The following LVRN variants were observed in gnomAD, a reference collection of about 807,000 sequenced individuals.
LVRN encodes aminopeptidase Q.
A neutral mutation model predicts 111.4 loss-of-function variants in LVRN; 99 were observed. The ratio of observed to expected loss-of-function variants is 0.89; its 90% CI spans 0.76 to 1.05. LVRN has a LOEUF of 1.05. Among genes scored for constraint, LVRN ranks in the 50% least tolerant of loss-of-function variants. LVRN has a pLI of 0.00. For missense variants in LVRN, 1,414 were observed against 1,206.8 expected (o/e 1.17, Z -2.54); for synonymous variants, 488 against 449.5 (o/e 1.09, Z -1.08).
Position 115,999,704 on chromosome 5 carries a change from A to G in LVRN, c.1375-58A>G. ...TTTTGAAAGTATTTTAGGGCCATAG[A>G]ATTTTGGTCTTCTGTGACACCTCAG... On this transcript the variant is annotated intron_variant, in intron 6 of 19. Transcript: ENST00000357872. 3 of 1,561,532 alleles carry G rather than the reference A, an allele frequency of 1.9e-6. No individual in the cohort carries two copies. In the South Asian group the frequency reaches 3.5e-5, roughly 18 times the overall value.
intron 18 of LVRN, 120 bp downstream of exon 18, chr5:116,015,885 T>C: frequency 5.7e-6 from 7 of 1,234,110 alleles, no homozygotes. Flanking sequence ...GTCCTTTGCA[T>C]TGACTAGAAA....
At chr5:115,998,364 G>A (rs1214979915) in intron 6 of LVRN, among the ~76,000 whole-genome samples, 5 of 152,118 alleles carry the variant, frequency 3.3e-5, no homozygotes, top group Non-Finnish European at 5.9e-5. Flanking sequence ...TAATTATAAA[G>A]ATGAGGTAGC....
intron 3 of LVRN, among the ~76,000 whole-genome samples, chr5:115,986,347 A>G (rs1747863866): frequency 1.3e-5 from 2 of 152,222 alleles, no homozygotes; most frequent in Non-Finnish European, 1.5e-5. Flanking sequence ...ACCAAAGGTG[A>G]TTCCTTGGCA....
chr5:116,010,801 T>A lies in LVRN; in HGVS notation c.2154T>A (p.Asp718Glu). 6.2e-7 allele frequency: 1 copy of A among 1,611,472 alleles called. No individual in the cohort carries two copies. Among genetic ancestry groups the A allele is most frequent in the African/African-American group, 1.3e-5 (1 of 74,882 alleles). Residue 718 changes from aspartate (D) to glutamate (E), a missense_variant, in exon 14 of 20, where the codon GAT (aspartate) becomes GAA (glutamate). Transcript: ENST00000357872. ...TAACCAAGTACCTTGCTGAAGAAGA[T>A]GAAATTATAGTATGGCATACAGTCT... ...LELTKYLAEEDEIIVWHTVLV... is the reference protein window; with the variant it reads ...LELTKYLAEEEEIIVWHTVLV...
chr5:115,974,813 G>T, intron 1 of LVRN: 1 of 299,664 alleles, frequency 3.3e-6, no homozygotes, highest in Non-Finnish European at 6.7e-6. Context: ...AGGATGTTAT[G>T]TCAGTAGCAA....
At chr5:116,016,758 G>A (rs1748608872) in intron 18 of LVRN, among the ~76,000 whole-genome samples, 1 of 152,234 alleles carries the variant, frequency 6.6e-6, no homozygotes, top group African/African-American at 2.4e-5. Context: ...CTTGGGATAT[G>A]CTGATGTAAA....
chr5:116,024,990 T>C (rs912396420), intron 19 of LVRN, among the ~76,000 whole-genome samples: 2 of 152,126 alleles, frequency 1.3e-5, no homozygotes, highest in Non-Finnish European at 2.9e-5. Flanking sequence ...GCTCTGGTTT[T>C]TATATTCCCC....
At chr5:115,996,171 A>T (rs962556345) in intron 6 of LVRN, among the ~76,000 whole-genome samples, 1 of 152,198 alleles carries the variant, frequency 6.6e-6, no homozygotes, top group East Asian at 1.9e-4. Flanking sequence ...TAAGGGAAGA[A>T]GTTTAATTCC....
Position 116,003,316 on chromosome 5 carries a change from A to G in LVRN, c.1973A>G (p.Tyr658Cys). 1 of 1,546,634 alleles carries G rather than the reference A, an allele frequency of 6.5e-7. No homozygotes were observed. Among genetic ancestry groups the G allele is most frequent in the Non-Finnish European group, 8.8e-7 (1 of 1,134,320 alleles). Residue 658 changes from tyrosine to cysteine, a missense_variant, in exon 12 of 20, where the codon TAT (tyrosine) becomes TGT (cysteine). Tyr to Cys is a radical substitution (Grantham distance 194). Coordinates refer to ENST00000357872, the MANE Select transcript of LVRN (RefSeq NM_173800.5). ...TTGAATTTGAATATGACTGGATATT[A>G]TAGAGTTAATTATGATAAATTAGGT... is the stretch of plus-strand genomic sequence containing the variant. ...VILNLNMTGY[Y>C]RVNYDKLGWK... is the part of the protein sequence containing the mutation.
rs764516079 is a variant in LVRN at position 115,962,964 on chromosome 5, G to C, written c.347G>C (p.Arg116Thr). 6.2e-7 allele frequency: 1 copy of C among 1,613,304 alleles called. No individual in the cohort carries two copies. The highest frequency in any genetic ancestry group is 1.1e-5 in the South Asian group (1 of 91,062). Residue 116 changes from arginine (R) to threonine (T), a missense_variant, in exon 1 of 20, where the codon AGG becomes ACG. Transcript: ENST00000357872. ...GATCTGGAGCTGTGGCCGCAGCTGA[G>C]GCCCGACGAGCTTCCGGCCGGGTCT... ...HYDLELWPQL[R>T]PDELPAGSLP...
chr5:116,026,220 T>C lies in LVRN; in HGVS notation c.*102T>C. Reference sequence around the variant, plus strand: ...GAGTCTGGAAAACCACACATTTTATTTGTATTTCAGTCACATTTATTACTC... The same window carrying C: ...GAGTCTGGAAAACCACACATTTTATCTGTATTTCAGTCACATTTATTACTC... On this transcript the variant is annotated 3_prime_UTR_variant, in exon 20 of 20. Transcript: ENST00000357872. 2 of 1,499,840 alleles carry C rather than the reference T, an allele frequency of 1.3e-6. No homozygotes were observed. Among genetic ancestry groups the C allele is most frequent in the Non-Finnish European group, 9.1e-7 (1 of 1,099,888 alleles). The allele number at this position is 1,499,840 out of a possible 1,614,324, so 92.9% of individuals were successfully genotyped here. A position where few individuals can be genotyped will look rare whatever the true frequency, so the allele number is the denominator to read the frequency against.
rs1033839155 is a variant in LVRN, at chr5:116,026,134, C to T, written c.*16C>T. ...AAACACATAGCTTGTGGCTATCTTT[C>T]AGCACTCCTCTTGCATATTATAATG... On this transcript the variant is annotated 3_prime_UTR_variant, in exon 20 of 20. Coordinates refer to ENST00000357872, the MANE Select transcript of LVRN (RefSeq NM_173800.5). 5.6e-6 allele frequency: 9 copies of T among 1,613,272 alleles called. No individual in the cohort carries two copies. The highest frequency in any genetic ancestry group is 5.0e-5 in the Admixed American group (3 of 59,986).
chr5:116,022,095 T>C lies in LVRN; in HGVS notation c.2757-296T>C, dbSNP rs183704151. 8.0e-5 allele frequency: 21 copies of C among 261,876 alleles called. No individual in the cohort carries two copies. The East Asian group carries it at 2.2e-3, about 27-fold the overall frequency. The allele number at this position is 261,876 out of a possible 1,614,324, so 16.2% of individuals were successfully genotyped here. ...TTATTCCCTTAGAAATTGTATTGAT[T>C]TGAGACTTGTGACATGTATTCCAAC... On this transcript the variant is annotated intron_variant, in intron 18 of 19. Transcript: ENST00000357872.
intron 12 of LVRN, 151 bp downstream of exon 12, chr5:116,003,531 A>C (rs1269789602): frequency 1.3e-5 from 6 of 461,954 alleles, no homozygotes; most frequent in Admixed American, 8.9e-5. Flanking sequence ...CTTATTCTTA[A>C]CAAGTGGAGA....
chr5:115,972,135 C>T (rs978164325), intron 1 of LVRN, among the ~76,000 whole-genome samples: 3 of 152,004 alleles, frequency 2.0e-5, no homozygotes, highest in Non-Finnish European at 4.4e-5. Flanking sequence ...TTCACAGATA[C>T]ACCACCAAAA....
intron 1 of LVRN, among the ~76,000 whole-genome samples, chr5:115,979,241 TC>T (rs1289971835): frequency 6.6e-6 from 1 of 152,106 alleles, no homozygotes; most frequent in African/African-American, 2.4e-5. Flanking sequence ...GCCTTTTAGA[TC>T]CCCACCTGGT....
chr5:115,962,964 G>A lies in LVRN; in HGVS notation c.347G>A (p.Arg116Lys). 6.2e-7 allele frequency: 1 copy of A among 1,613,304 alleles called. No homozygotes were observed. Among genetic ancestry groups the A allele is most frequent in the Non-Finnish European group, 8.5e-7 (1 of 1,179,882 alleles). Residue 116 changes from arginine to lysine, a missense_variant, in exon 1 of 20, where the codon AGG (arginine) becomes AAG (lysine). Physicochemically the swap from Arg to Lys is conservative, Grantham distance 26. Coordinates refer to ENST00000357872, the MANE Select transcript of LVRN (RefSeq NM_173800.5). ...GATCTGGAGCTGTGGCCGCAGCTGA[G>A]GCCCGACGAGCTTCCGGCCGGGTCT... Reference protein sequence around the residue: ...HYDLELWPQLRPDELPAGSLP... With the variant: ...HYDLELWPQLKPDELPAGSLP...
At position 115,962,847 on chromosome 5, in the gene LVRN, A is replaced by G; in HGVS notation, c.230A>G (p.Glu77Gly). 1 of 1,612,738 alleles carries G rather than the reference A, an allele frequency of 6.2e-7. No homozygotes were observed. The highest frequency in any genetic ancestry group is 8.5e-7 in the Non-Finnish European group (1 of 1,179,748). ...TPTPKPSSAR[E>G]LAVTTTPSNW... ...ACCCCGAAACCCAGCAGTGCACGCG[A>G]GCTAGCGGTGACGACCACCCCGAGC... Residue 77 changes from glutamate (E) to glycine (G), a missense_variant, in exon 1 of 20, where the codon GAG becomes GGG. Coordinates refer to ENST00000357872, the MANE Select transcript of LVRN (RefSeq NM_173800.5).
chr5:116,022,518 T>C (rs1282425385), intron 19 of LVRN, 52 bp downstream of exon 19: 1 of 1,273,166 alleles, frequency 7.9e-7, no homozygotes, highest in Non-Finnish European at 1.1e-6. Context: ...AACCACTTTT[T>C]ATGCAATTTG....
Sources: gnomAD v4.1 joint callset for allele counts (sites outside exome capture counted in the v4.1 genomes callset) on GRCh38, gnomAD v4.1.1 for gene constraint, MANE v1.5 for transcripts, NCBI Gene and HGNC (gene_info 2026-07-23, HGNC 2026-07-21) for gene names.